Variants in EPM2A observed in about 807,000 individuals in gnomAD.
The protein encoded by EPM2A is EPM2A glucan phosphatase, laforin.
A neutral mutation model predicts 26.5 loss-of-function variants in EPM2A; 21 were observed. The observed-to-expected ratio is 0.79, with a 90% CI of 0.56 to 1.14. EPM2A has a LOEUF of 1.14. Ranked by LOEUF, EPM2A falls within the 50% of genes most tolerant of loss-of-function variation. The pLI, the probability that EPM2A is intolerant of heterozygous loss-of-function variation, is 0.00. For synonymous variants in EPM2A, 217 were observed against 177.6 expected (o/e 1.22, Z -1.76); for missense variants, 458 against 440.8 (o/e 1.04, Z -0.35).
At chr6:145,593,551 AT>A (rs1001309393) in intron 2 of EPM2A, among the ~76,000 whole-genome samples, 3 of 152,062 alleles carry the variant, frequency 2.0e-5, no homozygotes, top group African/African-American at 4.8e-5. Context: ...ACCTTAACAA[AT>A]TTTTTGAACA....
At chr6:145,474,520 T>G (rs910748702) in intron 4 of EPM2A, among the ~76,000 whole-genome samples, 1 of 152,076 alleles carries the variant, frequency 6.6e-6, no homozygotes, top group African/African-American at 2.4e-5. Context: ...ATAAAAACCC[T>G]AGAAGAAAAT....
intron 4 of EPM2A, among the ~76,000 whole-genome samples, chr6:145,454,338 C>G (rs1296060146): frequency 6.6e-6 from 1 of 152,172 alleles, no homozygotes; most frequent in Non-Finnish European, 1.5e-5. Flanking sequence ...CCGCAATATT[C>G]TAATGATACC....
intron 2 of EPM2A, among the ~76,000 whole-genome samples, chr6:145,605,064 G>A (rs13196875): frequency 0.082 from 12,432 of 152,122 alleles, 538 homozygotes; most frequent in Middle Eastern, 0.12. Context: ...AAAAGCAAGA[G>A]AAAAGCAATT....
chr6:145,635,469 C>A lies in EPM2A; in HGVS notation c.494G>T (p.Trp165Leu). 1 of 1,614,040 alleles carries A rather than the reference C, an allele frequency of 6.2e-7. No individual in the cohort carries two copies. Among genetic ancestry groups the A allele is most frequent in the Non-Finnish European group, 8.5e-7 (1 of 1,179,902 alleles). The change falls in exon 3 of 4, where the codon TGG (tryptophan) becomes TTG (leucine). Residue 165 changes from tryptophan (W) to leucine (L), a missense_variant. By Grantham distance (61) the Trp-to-Leu change is moderately conservative. Coordinates refer to ENST00000367519, the MANE Select transcript of EPM2A (RefSeq NM_005670.4). ...MHYSRILPNIWLGSCPRQVEH... is the reference protein window; with the variant it reads ...MHYSRILPNILLGSCPRQVEH... ...CACCTGACGAGGGCAGCTACCCAGC[C>A]AGATATTTGGTAGAATTCTAATGAG...
At chr6:145,633,243 G>A (rs1224896661) in intron 3 of EPM2A, among the ~76,000 whole-genome samples, 1 of 152,136 alleles carries the variant, frequency 6.6e-6, no homozygotes, top group Non-Finnish European at 1.5e-5. Context: ...TCTCCAACAG[G>A]ATAACAATGC....
chr6:145,732,418 A>G, intron 1 of EPM2A, among the ~76,000 whole-genome samples: 1 of 142,480 alleles, frequency 7.0e-6, no homozygotes, highest in East Asian at 2.0e-4. Context: ...ACACATATAT[A>G]TATATATATA....
intron 4 of EPM2A, among the ~76,000 whole-genome samples, chr6:145,432,471 C>G (rs1324621218): frequency 2.0e-5 from 3 of 150,496 alleles, no homozygotes; most frequent in Non-Finnish European, 4.4e-5. Context: ...GAGTGACCAG[C>G]TACATTGTAA....
chr6:145,420,841 A>G lies in EPM2A; in HGVS notation c.556-36744T>C, dbSNP rs555846762. Among the ~76,000 whole-genome samples, 34 of 151,610 alleles carry G rather than the reference A, an allele frequency of 2.2e-4. No homozygotes were observed. The South Asian group carries it at 4.8e-3, about 21-fold the overall frequency. ...AAGGGTAAGACAGCATGAATGCAAG[A>G]GAAGAGAGATAGAAAGAGAGAGAGA... On this transcript the variant is annotated intron_variant, in intron 4 of 4. Transcript: ENST00000638717.
intron 1 of EPM2A, among the ~76,000 whole-genome samples, chr6:145,703,048 A>C (rs1583085241): frequency 6.6e-6 from 1 of 150,624 alleles, no homozygotes; most frequent in South Asian, 2.1e-4. Flanking sequence ...AATACCAGCT[A>C]TCTCTCCCAA....
intron 2 of EPM2A, among the ~76,000 whole-genome samples, chr6:145,555,551 A>C (rs1025988624): frequency 6.6e-6 from 1 of 152,118 alleles, no homozygotes; most frequent in African/African-American, 2.4e-5. Context: ...CTCTAGGCCA[A>C]AATCCAAAAA....
chr6:145,416,993 G>C (rs1778717376), intron 4 of EPM2A, among the ~76,000 whole-genome samples: 1 of 152,098 alleles, frequency 6.6e-6, no homozygotes, highest in Non-Finnish European at 1.5e-5. Flanking sequence ...ATTTTCCTCT[G>C]TTGAGGAATT....
At chr6:145,435,690 C>A in intron 4 of EPM2A, among the ~76,000 whole-genome samples, 1 of 151,684 alleles carries the variant, frequency 6.6e-6, no homozygotes, top group Non-Finnish European at 1.5e-5. Context: ...ACTGATACAA[C>A]TACTAATATA....
chr6:145,466,814 T>TA (rs1302069404), intron 4 of EPM2A, among the ~76,000 whole-genome samples: 1 of 152,234 alleles, frequency 6.6e-6, no homozygotes, highest in Non-Finnish European at 1.5e-5. Context: ...TATGCAGCCA[T>TA]AAAAAATGAT....
intron 4 of EPM2A, among the ~76,000 whole-genome samples, chr6:145,423,359 G>A (rs1778813182): frequency 1.3e-5 from 2 of 152,126 alleles, no homozygotes. Flanking sequence ...GTTTTACGCA[G>A]ATTTTGACAA....
intron 4 of EPM2A, among the ~76,000 whole-genome samples, chr6:145,410,989 C>T (rs560123420): frequency 1.3e-5 from 2 of 152,270 alleles, no homozygotes; most frequent in East Asian, 3.9e-4. Flanking sequence ...ACAGTTTCAT[C>T]AGGCAACATG....
chr6:145,388,155 G>A (rs1778288144), intron 4 of EPM2A, among the ~76,000 whole-genome samples: 2 of 152,178 alleles, frequency 1.3e-5, no homozygotes, highest in Admixed American at 6.5e-5. Context: ...AAGCTTGGTG[G>A]TGAATGCTTA....
At chr6:145,678,967 A>AT (rs1211179122) in intron 2 of EPM2A, among the ~76,000 whole-genome samples, 1 of 152,214 alleles carries the variant, frequency 6.6e-6, no homozygotes, top group Non-Finnish European at 1.5e-5. Context: ...TTATTGCGGC[A>AT]TTATTCACAG....
chr6:145,545,810 T>G (rs1241303910), intron 2 of EPM2A, among the ~76,000 whole-genome samples: 14 of 152,126 alleles, frequency 9.2e-5, no homozygotes, highest in Non-Finnish European at 1.2e-4. Flanking sequence ...ACAAACTCTT[T>G]CCCAACTAAG....
intron 4 of EPM2A, chr6:145,490,072 C>T: frequency 7.7e-7 from 1 of 1,295,706 alleles, no homozygotes; most frequent in Non-Finnish European, 1.1e-6. Context: ...GGACCTGAAG[C>T]AATGGTAGCA....
Sources: allele counts gnomAD v4.1 joint callset (sites outside exome capture counted in the v4.1 genomes callset), GRCh38; gene constraint gnomAD v4.1.1; transcripts MANE v1.5; gene names NCBI Gene and HGNC (gene_info 2026-07-23, HGNC 2026-07-21).